MEIS1: variants seen among roughly 807,000 people sequenced by gnomAD.
MEIS1 encodes the protein Meis homeobox 1, also known as homeobox protein Meis1.
Under a neutral mutation model 50.8 loss-of-function variants are expected in MEIS1, and 5 were observed. That is an observed-to-expected ratio of 0.10 (90% confidence interval 0.05 to 0.21). The LOEUF is 0.21. MEIS1 is among the 10% of genes least tolerant of loss of function. The probability of loss-of-function intolerance (pLI) is 1.00; values close to 1 mark genes in which losing one functional copy is unlikely to be tolerated. For missense variants in MEIS1, 318 were observed against 517.3 expected (o/e 0.61, Z 3.74); for synonymous variants, 176 against 179.3 (o/e 0.98, Z 0.15).
At chr2:66,453,253 G>A (rs200932215) in intron 6 of MEIS1, among the ~76,000 whole-genome samples, 6 of 151,910 alleles carry the variant, frequency 3.9e-5, no homozygotes, top group Admixed American at 6.6e-5. Context: ...TTCTTTGCTC[G>A]TGGTATACTT....
intron 4 of MEIS1, 198 bp downstream of exon 4, chr2:66,440,810 C>T (rs1367572045): frequency 5.2e-6 from 3 of 574,762 alleles, no homozygotes; most frequent in East Asian, 2.9e-5. Context: ...CGAGAGGGGC[C>T]GGGCGAGCCA....
chr2:66,518,175 A>T (rs1438496177), intron 8 of MEIS1, among the ~76,000 whole-genome samples: 1 of 152,156 alleles, frequency 6.6e-6, no homozygotes, highest in Non-Finnish European at 1.5e-5. Context: ...CGAAAGCAAA[A>T]TCAAAAGTCC....
chr2:66,529,814 A>C (rs1674345703), intron 8 of MEIS1, among the ~76,000 whole-genome samples: 1 of 152,208 alleles, frequency 6.6e-6, no homozygotes, highest in Non-Finnish European at 1.5e-5. Context: ...GGATATTTGA[A>C]TATGTTTACA....
At chr2:66,444,140 A>T (rs575720177) in intron 6 of MEIS1, among the ~76,000 whole-genome samples, 3 of 152,266 alleles carry the variant, frequency 2.0e-5, no homozygotes, top group African/African-American at 7.2e-5. Context: ...AGGCGTCTAG[A>T]GATTTGGGTA....
intron 7 of MEIS1, among the ~76,000 whole-genome samples, chr2:66,501,260 T>A (rs1673547666): frequency 6.6e-6 from 1 of 152,182 alleles, no homozygotes; most frequent in Non-Finnish European, 1.5e-5. Flanking sequence ...CACTTGAAAG[T>A]GCAAATATAA....
intron 8 of MEIS1, among the ~76,000 whole-genome samples, chr2:66,525,233 CAACA>C (rs531724284): frequency 7.9e-5 from 12 of 152,030 alleles, no homozygotes; most frequent in Middle Eastern, 3.4e-3. Flanking sequence ...AAACAAAAAA[CAACA>C]AACAAACAAA....
intron 8 of MEIS1, among the ~76,000 whole-genome samples, chr2:66,537,780 T>C (rs1674557444): frequency 6.6e-6 from 1 of 152,218 alleles, no homozygotes; most frequent in African/African-American, 2.4e-5. Context: ...CTCTTTGATT[T>C]TTAAAGTGGA....
intron 8 of MEIS1, among the ~76,000 whole-genome samples, chr2:66,520,793 A>C (rs1013043455): frequency 2.6e-5 from 4 of 152,188 alleles, no homozygotes; most frequent in South Asian, 4.1e-4. Context: ...GCATGACAAA[A>C]ATGAAATTTA....
chr2:66,436,604 C>T (rs539333756), intron 1 of MEIS1, among the ~76,000 whole-genome samples: 3 of 152,334 alleles, frequency 2.0e-5, no homozygotes, highest in Admixed American at 6.5e-5. Flanking sequence ...TGTCCTGGCC[C>T]TCAAAGCCCT....
intron 9 of MEIS1, among the ~76,000 whole-genome samples, chr2:66,562,358 CT>C (rs1675240668): frequency 6.7e-6 from 1 of 149,708 alleles, no homozygotes; most frequent in African/African-American, 2.5e-5. Context: ...TATCCAAAGA[CT>C]GAGAATAAAA....
intron 7 of MEIS1, among the ~76,000 whole-genome samples, chr2:66,509,982 T>A (rs1314985955): frequency 6.6e-6 from 1 of 152,174 alleles, no homozygotes; most frequent in African/African-American, 2.4e-5. Flanking sequence ...CTATTTTTTT[T>A]AAAGGTGGAA....
intron 8 of MEIS1, among the ~76,000 whole-genome samples, chr2:66,532,216 C>T (rs955747625): frequency 6.6e-6 from 1 of 152,012 alleles, no homozygotes; most frequent in Non-Finnish European, 1.5e-5. Flanking sequence ...TTTTTCGATT[C>T]TCTACAAAAT....
At chr2:66,531,715 C>T (rs1334020801) in intron 8 of MEIS1, among the ~76,000 whole-genome samples, 2 of 152,194 alleles carry the variant, frequency 1.3e-5, no homozygotes, top group African/African-American at 2.4e-5. Flanking sequence ...TTGACAGGGC[C>T]TATGTGCTTA....
At chr2:66,570,498 T>G (rs1222405548) in intron 12 of MEIS1, 1 of 152,216 alleles carries the variant, frequency 6.6e-6, no homozygotes, top group African/African-American at 2.4e-5. Context: ...TATTCGAAGG[T>G]GTTCATCGTA....
intron 7 of MEIS1, among the ~76,000 whole-genome samples, chr2:66,508,568 C>G (rs1424616780): frequency 6.6e-6 from 1 of 152,232 alleles, no homozygotes; most frequent in Non-Finnish European, 1.5e-5. Flanking sequence ...GTGCGCAGCC[C>G]CGGCCGCTGC....
chr2:66,567,818 C>G, intron 10 of MEIS1: 1 of 572,840 alleles, frequency 1.7e-6, no homozygotes, highest in South Asian at 2.1e-5. Flanking sequence ...GCCTTCCCAG[C>G]TCTTTCTGCT....
intron 7 of MEIS1, among the ~76,000 whole-genome samples, chr2:66,505,745 A>C (rs1673671125): frequency 1.3e-5 from 2 of 152,212 alleles, no homozygotes; most frequent in Non-Finnish European, 2.9e-5. Context: ...AATGATTTTA[A>C]ATTATAATTG....
Position 66,573,100 on chromosome 2 carries a change from G to A in MEIS1, c.*1892G>A, listed in dbSNP as rs1016820581. ...TACTAAAGGATGTTACCTAGGATGA[G>A]CAGTATATGTTTATTAGGAAATTAA... On this transcript the variant is annotated 3_prime_UTR_variant, in exon 13 of 13. Coordinates refer to ENST00000272369, the MANE Select transcript of MEIS1 (RefSeq NM_002398.3). 21 of 152,290 alleles carry A rather than the reference G, an allele frequency of 1.4e-4. No individual in the cohort carries two copies. Among genetic ancestry groups the A allele is most frequent in the Non-Finnish European group, 2.5e-4 (17 of 68,022 alleles). The allele number at this position is 152,290 out of a possible 1,614,324, so 9.4% of individuals were successfully genotyped here. A position where few individuals can be genotyped will look rare whatever the true frequency, so the allele number is the denominator to read the frequency against.
chr2:66,446,161 C>T (rs1158679306), intron 6 of MEIS1, among the ~76,000 whole-genome samples: 1 of 152,146 alleles, frequency 6.6e-6, no homozygotes, highest in Non-Finnish European at 1.5e-5. Context: ...AGGGTTGAGC[C>T]TGTTTGGCTT....
Sources: gnomAD v4.1 joint callset for allele counts (sites outside exome capture counted in the v4.1 genomes callset) on GRCh38, gnomAD v4.1.1 for gene constraint, MANE v1.5 for transcripts, NCBI Gene and HGNC (gene_info 2026-07-23, HGNC 2026-07-21) for gene names.